Variants in FBXL17 observed in about 807,000 individuals in gnomAD.
The protein encoded by FBXL17 is F-box and leucine rich repeat protein 17, also known as F-box/LRR-repeat protein 17.
A neutral mutation model predicts 66.2 loss-of-function variants in FBXL17; 22 were observed. The observed-to-expected ratio is 0.33, with a 90% CI of 0.24 to 0.47. FBXL17 has a LOEUF of 0.47. Among genes scored for constraint, FBXL17 ranks in the 20% least tolerant of loss-of-function variants. The probability of loss-of-function intolerance (pLI) is 1.00; values close to 1 mark genes in which losing one functional copy is unlikely to be tolerated. For missense variants in FBXL17, 878 were observed against 948.2 expected, an observed-to-expected ratio of 0.93 and a Z score of 0.97; for synonymous variants, 474 against 400.5, an observed-to-expected ratio of 1.18 and a Z score of -2.19.
chr5:107,987,844 T>G (rs935696007), intron 7 of FBXL17, among the ~76,000 whole-genome samples: 11 of 152,034 alleles, frequency 7.2e-5, no homozygotes, highest in Non-Finnish European at 1.5e-4. Context: ...ATCTATACCA[T>G]TTTAATAATA....
At chr5:108,184,602 C>T (rs1753150175) in intron 6 of FBXL17, among the ~76,000 whole-genome samples, 2 of 151,728 alleles carry the variant, frequency 1.3e-5, no homozygotes, top group South Asian at 4.2e-4. Context: ...CCACCGTGCC[C>T]AGCCAGTGGT....
At chr5:107,983,425 C>T (rs1449691021) in intron 7 of FBXL17, among the ~76,000 whole-genome samples, 1 of 151,808 alleles carries the variant, frequency 6.6e-6, no homozygotes, top group East Asian at 1.9e-4. Flanking sequence ...AACTCCTGAG[C>T]TCAAGTGATC....
chr5:107,937,494 C>A (rs1405471310), intron 7 of FBXL17, among the ~76,000 whole-genome samples: 1 of 152,106 alleles, frequency 6.6e-6, no homozygotes, highest in Non-Finnish European at 1.5e-5. Flanking sequence ...GAAAAACAGG[C>A]CATGATTACG....
rs776234528 is a variant in FBXL17 at position 108,348,465 on chromosome 5, T to G, written c.1440A>C (p.Glu480Asp). Residue 480 changes from glutamate (E) to aspartate (D), a missense_variant, in exon 4 of 9, where the codon GAA becomes GAC. Physicochemically the swap from Glu to Asp is conservative, Grantham distance 45. This residue lies in a region of FBXL17 where 236 missense variants were observed against 389.1 expected (regional missense o/e 0.61). Transcript: ENST00000542267. ...HFGQCYKISD[E>D]GMIVIAKGCL... is the part of the protein sequence containing the mutation. The stretch of plus-strand genomic sequence containing the variant: ...AGCCCTTAGCTATGACGATCATGCC[T>G]TCATCTGAGATCTTGTAACACTGGC... 58 of 1,613,528 alleles carry G rather than the reference T, an allele frequency of 3.6e-5. No individual in the cohort carries two copies. The highest frequency in any genetic ancestry group is 4.8e-5 in the Non-Finnish European group (57 of 1,179,678).
At chr5:108,307,225 A>G (rs913035204) in intron 4 of FBXL17, among the ~76,000 whole-genome samples, 13 of 152,156 alleles carry the variant, frequency 8.5e-5, no homozygotes, top group African/African-American at 3.1e-4. Flanking sequence ...AAAAAAGAGA[A>G]AAAGCTTTAA....
At chr5:108,190,171 C>T (rs1753413805) in intron 5 of FBXL17, among the ~76,000 whole-genome samples, 1 of 152,212 alleles carries the variant, frequency 6.6e-6, no homozygotes, top group Admixed American at 6.5e-5. Flanking sequence ...CCAGGCTTCA[C>T]TCAAGACAAG....
chr5:107,873,108 C>T (rs74854651), intron 8 of FBXL17, among the ~76,000 whole-genome samples: 2,582 of 152,304 alleles, frequency 0.017, 95 homozygotes, highest in African/African-American at 0.059. Context: ...GAAAACTGTT[C>T]CTGGACAATC....
chr5:107,952,928 G>A (rs1039359832), intron 7 of FBXL17, among the ~76,000 whole-genome samples: 1 of 152,104 alleles, frequency 6.6e-6, no homozygotes. Context: ...CAAAACTACA[G>A]TATTCCTCAA....
intron 4 of FBXL17, among the ~76,000 whole-genome samples, chr5:108,285,009 T>A (rs4423983): frequency 0.056 from 8,531 of 151,998 alleles, 839 homozygotes; most frequent in East Asian, 0.39. Context: ...CTGCCACTGC[T>A]TTATGAACTC....
intron 7 of FBXL17, among the ~76,000 whole-genome samples, chr5:107,971,096 T>C (rs768330266): frequency 1.3e-5 from 2 of 152,182 alleles, no homozygotes; most frequent in Non-Finnish European, 2.9e-5. Flanking sequence ...GATTGATATA[T>C]GAGGGAACAA....
intron 6 of FBXL17, among the ~76,000 whole-genome samples, chr5:108,029,857 C>T (rs76309350): frequency 0.013 from 1,931 of 151,656 alleles, 43 homozygotes; most frequent in African/African-American, 0.045. Flanking sequence ...GATTAGAATT[C>T]GAGATTCCAG....
chr5:108,130,289 AC>A (rs1343578419), intron 6 of FBXL17, among the ~76,000 whole-genome samples: 1 of 151,886 alleles, frequency 6.6e-6, no homozygotes, highest in Non-Finnish European at 1.5e-5. Context: ...CTAAATTCTA[AC>A]CCAAGAAGCA....
intron 4 of FBXL17, among the ~76,000 whole-genome samples, chr5:108,289,090 A>G (rs1310432563): frequency 6.6e-6 from 1 of 152,130 alleles, no homozygotes; most frequent in Non-Finnish European, 1.5e-5. Flanking sequence ...TAGTAATGAC[A>G]TCATGGGTAA....
intron 7 of FBXL17, among the ~76,000 whole-genome samples, chr5:108,005,653 T>A (rs1753894604): frequency 6.6e-6 from 1 of 152,248 alleles, no homozygotes; most frequent in Admixed American, 6.5e-5. Context: ...CTATTATTGC[T>A]TATTGTAACA....
intron 6 of FBXL17, among the ~76,000 whole-genome samples, chr5:108,022,905 T>C (rs1252114877): frequency 1.3e-5 from 2 of 152,076 alleles, no homozygotes; most frequent in East Asian, 3.8e-4. Context: ...TAAAGGGTCA[T>C]GAGCATCAGG....
intron 7 of FBXL17, among the ~76,000 whole-genome samples, chr5:108,015,239 A>T (rs1490617777): frequency 1.3e-5 from 2 of 152,222 alleles, no homozygotes; most frequent in African/African-American, 4.8e-5. Flanking sequence ...ATTTGCAAGC[A>T]TAGATTTAGC....
At chr5:108,311,852 T>C (rs1759135797) in intron 4 of FBXL17, among the ~76,000 whole-genome samples, 1 of 152,158 alleles carries the variant, frequency 6.6e-6, no homozygotes, top group South Asian at 2.1e-4. Context: ...AGAAGAGAGA[T>C]AATGGCCCAG....
At chr5:108,128,604 A>C (rs1750808208) in intron 6 of FBXL17, among the ~76,000 whole-genome samples, 1 of 152,152 alleles carries the variant, frequency 6.6e-6, no homozygotes, top group South Asian at 2.1e-4. Context: ...CTTCTCCTAA[A>C]CACATTTCTG....
At chr5:108,360,608 A>T (rs977180641) in intron 3 of FBXL17, among the ~76,000 whole-genome samples, 7 of 152,038 alleles carry the variant, frequency 4.6e-5, no homozygotes, top group African/African-American at 7.2e-5. Context: ...AGTTTCTTGG[A>T]CGTATAGATG....
Sources: allele counts gnomAD v4.1 joint callset (sites outside exome capture counted in the v4.1 genomes callset), GRCh38; gene constraint gnomAD v4.1.1; regional missense constraint gnomAD v4.1.1; transcripts MANE v1.5; gene names NCBI Gene and HGNC (gene_info 2026-07-23, HGNC 2026-07-21).